The following OPHN1 variants were observed in gnomAD, a reference collection of about 807,000 sequenced individuals.
OPHN1 encodes the protein oligophrenin 1.
Under a neutral mutation model 60.7 loss-of-function variants are expected in OPHN1, and 11 were observed. The ratio of observed to expected loss-of-function variants is 0.18; its 90% CI spans 0.11 to 0.30. The LOEUF (loss-of-function observed/expected upper bound fraction) is 0.30, where lower values mean the gene tolerates loss of function less well. Among genes scored for constraint, OPHN1 ranks in the 10% least tolerant of loss-of-function variants. The pLI, the probability that OPHN1 is intolerant of heterozygous loss-of-function variation, is 1.00. For synonymous variants in OPHN1, 226 were observed against 222.6 expected (o/e 1.02, Z -0.14); for missense variants, 449 against 611.0 (o/e 0.73, Z 2.80).
chrX:68,162,488 A>G (rs1479176717), intron 15 of OPHN1, among the ~76,000 whole-genome samples: 1 of 110,566 alleles, frequency 9.0e-6, no homozygotes, highest in Non-Finnish European at 1.9e-5. Context: ...CAAACAGCCT[A>G]AGCCTCTGGA....
At chrX:68,204,440 TGAATATGACAGAAGGG>T (rs984070833) in intron 10 of OPHN1, among the ~76,000 whole-genome samples, 12 of 111,933 alleles carry the variant, frequency 1.1e-4, no homozygotes, top group African/African-American at 3.6e-4. Context: ...ATGAGGAGCA[TGAATATGACAGAAGGG>T]TCTAGCTCAG....
intron 3 of OPHN1, among the ~76,000 whole-genome samples, chrX:68,285,583 T>C (rs1384591334): frequency 9.0e-6 from 1 of 111,631 alleles, no homozygotes; most frequent in Admixed American, 9.6e-5. Flanking sequence ...TTCTTGGCCA[T>C]TATTTCTTCA....
intron 6 of OPHN1, among the ~76,000 whole-genome samples, chrX:68,224,630 T>A (rs1399360424): frequency 1.8e-5 from 2 of 112,672 alleles, no homozygotes; most frequent in African/African-American, 6.4e-5. Context: ...TATAATAGAA[T>A]AGAAGAAAGA....
intron 3 of OPHN1, among the ~76,000 whole-genome samples, chrX:68,288,024 T>C (rs958258738): frequency 4.5e-5 from 5 of 111,780 alleles, no homozygotes; most frequent in Admixed American, 1.9e-4. Context: ...AAAAACCTCA[T>C]TGCTGAATAT....
At chrX:68,192,323 A>AC (rs1162736937) in intron 15 of OPHN1, among the ~76,000 whole-genome samples, 1 of 109,941 alleles carries the variant, frequency 9.1e-6, no homozygotes, top group Non-Finnish European at 1.9e-5. Flanking sequence ...ATATAGTGAG[A>AC]CCCCATCACT....
chrX:68,059,946 T>C (rs1434925286), intron 21 of OPHN1, among the ~76,000 whole-genome samples: 1 of 112,041 alleles, frequency 8.9e-6, no homozygotes, highest in African/African-American at 3.2e-5. Context: ...GACTGACTGC[T>C]TGCATGCCAG....
At chrX:68,370,011 A>AAT (rs761607454) in intron 2 of OPHN1, among the ~76,000 whole-genome samples, 5,951 of 64,016 alleles carry the variant, frequency 0.093, 357 homozygotes, top group East Asian at 0.15. Context: ...AAATTGCTGA[A>AAT]ATATATATAT....
At chrX:68,236,170 G>A (rs1346978652) in intron 5 of OPHN1, among the ~76,000 whole-genome samples, 1 of 110,974 alleles carries the variant, frequency 9.0e-6, no homozygotes, top group Non-Finnish European at 1.9e-5. Context: ...AATACAACTC[G>A]AGAAGTTCCA....
intron 10 of OPHN1, among the ~76,000 whole-genome samples, chrX:68,203,220 A>G (rs2077543211): frequency 8.9e-6 from 1 of 111,849 alleles, no homozygotes; most frequent in South Asian, 3.8e-4. Flanking sequence ...GTGCCACTGC[A>G]CTCCAGCCTG....
intron 10 of OPHN1, among the ~76,000 whole-genome samples, chrX:68,204,036 A>C (rs757997125): frequency 6.2e-5 from 7 of 112,775 alleles, no homozygotes; most frequent in Non-Finnish European, 1.3e-4. Flanking sequence ...CTTAGTGCTC[A>C]ATGAATGTTT....
At chrX:68,314,245 G>C (rs1193632985) in intron 2 of OPHN1, among the ~76,000 whole-genome samples, 2 of 111,918 alleles carry the variant, frequency 1.8e-5, no homozygotes, top group Non-Finnish European at 3.8e-5. Flanking sequence ...AACCGGGCCA[G>C]GCACAGTGGC....
At chrX:68,053,106 C>A (rs1602123744) in intron 22 of OPHN1, among the ~76,000 whole-genome samples, 1 of 111,913 alleles carries the variant, frequency 8.9e-6, no homozygotes. Flanking sequence ...CCCACCCTAG[C>A]TGCTCCTTCC....
chrX:68,100,544 G>C (rs1387925432), intron 18 of OPHN1, among the ~76,000 whole-genome samples: 1 of 110,125 alleles, frequency 9.1e-6, no homozygotes, highest in Non-Finnish European at 1.9e-5. Flanking sequence ...GCCATGTGTT[G>C]ATTACAGTTG....
chrX:68,169,917 C>T (rs1468670869), intron 15 of OPHN1, among the ~76,000 whole-genome samples: 1 of 108,058 alleles, frequency 9.3e-6, no homozygotes, highest in African/African-American at 3.5e-5. Context: ...CAACAAAAGA[C>T]AAAATTGACA....
intron 2 of OPHN1, among the ~76,000 whole-genome samples, chrX:68,417,266 T>C (rs1454479881): frequency 9.0e-6 from 1 of 111,231 alleles, no homozygotes; most frequent in African/African-American, 3.3e-5. Context: ...CTAATTTTTG[T>C]ATTTTTAGTA....
chrX:68,282,729 A>G (rs1342318948), intron 4 of OPHN1, among the ~76,000 whole-genome samples: 1 of 111,844 alleles, frequency 8.9e-6, no homozygotes, highest in Non-Finnish European at 1.9e-5. Context: ...ATTAAAGATT[A>G]ACAAATGGAT....
At chrX:68,154,900 C>T (rs1025998660) in intron 15 of OPHN1, among the ~76,000 whole-genome samples, 3 of 101,122 alleles carry the variant, frequency 3.0e-5, no homozygotes, top group Non-Finnish European at 6.1e-5. Flanking sequence ...CACACATAAA[C>T]GGAGTAGCAG....
At chrX:68,222,903 T>G (rs1281258467) in intron 6 of OPHN1, among the ~76,000 whole-genome samples, 4 of 101,891 alleles carry the variant, frequency 3.9e-5, no homozygotes, top group African/African-American at 1.5e-4. Flanking sequence ...AATGTGCACA[T>G]GTACCCTAAA....
intron 18 of OPHN1, among the ~76,000 whole-genome samples, chrX:68,108,233 T>C (rs901744710): frequency 8.9e-6 from 1 of 112,166 alleles, no homozygotes; most frequent in Non-Finnish European, 1.9e-5. Flanking sequence ...TTGGTGGTAC[T>C]ATTTATCCAA....
Sources: gnomAD v4.1 joint callset for allele counts (sites outside exome capture counted in the v4.1 genomes callset) on GRCh38, gnomAD v4.1.1 for gene constraint, MANE v1.5 for transcripts, NCBI Gene and HGNC (gene_info 2026-07-23, HGNC 2026-07-21) for gene names.